The following ADARB2 variants were observed in gnomAD, a reference collection of about 807,000 sequenced individuals.
ADARB2 encodes adenosine deaminase RNA specific B2 (inactive), also known as inactive double-stranded RNA-specific editase B2.
A neutral mutation model predicts 62.2 loss-of-function variants in ADARB2; 25 were observed. That is an observed-to-expected ratio of 0.40 (90% CI 0.29 to 0.56). ADARB2 has a LOEUF of 0.56. Ranked by LOEUF, ADARB2 falls within the 20% of genes least tolerant of loss-of-function variation. ADARB2 has a pLI of 0.43. For missense variants in ADARB2, 1,071 were observed against 1,077.4 expected, an observed-to-expected ratio of 0.99 and a Z score of 0.08; for synonymous variants, 572 against 500.8, an observed-to-expected ratio of 1.14 and a Z score of -1.90.
At chr10:1,414,136 C>G (rs1446700691) in intron 1 of ADARB2, among the ~76,000 whole-genome samples, 1 of 152,264 alleles carries the variant, frequency 6.6e-6, no homozygotes, top group Non-Finnish European at 1.5e-5. Context: ...GTTATCCTCA[C>G]TGTCCTGGAA....
intron 7 of ADARB2, among the ~76,000 whole-genome samples, chr10:1,202,469 G>A (rs1564218656): frequency 1.3e-5 from 2 of 152,212 alleles, no homozygotes; most frequent in East Asian, 1.9e-4. Context: ...GTGAGTCACC[G>A]TGTCCGGCCA....
chr10:1,694,316 G>T (rs1834710632), intron 1 of ADARB2, among the ~76,000 whole-genome samples: 1 of 152,186 alleles, frequency 6.6e-6, no homozygotes, highest in Non-Finnish European at 1.5e-5. Context: ...TATATTAATT[G>T]GAGTAATGTG....
intron 3 of ADARB2, among the ~76,000 whole-genome samples, chr10:1,298,562 G>A (rs543017640): frequency 6.6e-6 from 1 of 152,230 alleles, no homozygotes; most frequent in East Asian, 1.9e-4. Context: ...ACAGGCAGTA[G>A]CCAAACTGAG....
At chr10:1,526,876 C>T (rs776792073) in intron 1 of ADARB2, 2 of 508,198 alleles carry the variant, frequency 3.9e-6, no homozygotes, top group South Asian at 2.9e-5. Context: ...CTGCTTGCCT[C>T]ATCAGCCTCA....
At chr10:1,549,231 T>C (rs1388775377) in intron 1 of ADARB2, among the ~76,000 whole-genome samples, 3 of 150,988 alleles carry the variant, frequency 2.0e-5, no homozygotes, top group African/African-American at 7.3e-5. Context: ...CCTCCTCTCA[T>C]TGAAAGGCGG....
chr10:1,294,786 C>A (rs1001515781), intron 3 of ADARB2, among the ~76,000 whole-genome samples: 2 of 152,202 alleles, frequency 1.3e-5, no homozygotes, highest in Non-Finnish European at 2.9e-5. Context: ...CCCTAATTAG[C>A]GCTACCCAAT....
intron 1 of ADARB2, among the ~76,000 whole-genome samples, chr10:1,524,703 C>T (rs1483523559): frequency 6.6e-6 from 1 of 152,010 alleles, no homozygotes; most frequent in Non-Finnish European, 1.5e-5. Context: ...CGGTGGCTGC[C>T]CGGGGGGAGG....
chr10:1,369,314 C>T (rs1832344037), intron 2 of ADARB2, among the ~76,000 whole-genome samples: 1 of 152,148 alleles, frequency 6.6e-6, no homozygotes, highest in African/African-American at 2.4e-5. Flanking sequence ...TGTTGACGCA[C>T]CTGCTTGGTG....
At chr10:1,724,518 C>T (rs769053133) in intron 1 of ADARB2, among the ~76,000 whole-genome samples, 3 of 152,160 alleles carry the variant, frequency 2.0e-5, no homozygotes, top group African/African-American at 4.8e-5. Context: ...CTCGGAGGCT[C>T]CTTGTGTGCG....
intron 2 of ADARB2, among the ~76,000 whole-genome samples, chr10:1,371,096 T>C (rs1832365993): frequency 6.6e-6 from 1 of 152,162 alleles, no homozygotes; most frequent in Non-Finnish European, 1.5e-5. Context: ...GGTACGAAGA[T>C]AGACACATAG....
chr10:1,525,512 A>T (rs1420818235), intron 1 of ADARB2, among the ~76,000 whole-genome samples: 1 of 151,960 alleles, frequency 6.6e-6, no homozygotes, highest in Non-Finnish European at 1.5e-5. Flanking sequence ...TTCTGTGGGT[A>T]TCTAGGGGGC....
chr10:1,253,234 ATTTG>A (rs1831051375), intron 4 of ADARB2, among the ~76,000 whole-genome samples: 2 of 152,204 alleles, frequency 1.3e-5, no homozygotes, highest in East Asian at 3.8e-4. Context: ...TTGTAATCAT[ATTTG>A]TTTTTCCATC....
At position 1,600,691 on chromosome 10, in the gene ADARB2, G is replaced by A. The variant is rs79065986; in HGVS notation, c.100+136360C>T. Among the ~76,000 whole-genome samples, 631 of 139,734 alleles carry A rather than the reference G, an allele frequency of 4.5e-3. 9 individuals are homozygous for A. The highest frequency in any genetic ancestry group is 4.8e-3 in the Non-Finnish European group (316 of 65,180). 91.7% of individuals were successfully genotyped at this position (139,734 alleles called of 152,430 possible). A position where few individuals can be genotyped will look rare whatever the true frequency, so the allele number is the denominator to read the frequency against. On this transcript the variant is annotated intron_variant, in intron 1 of 9. Transcript: ENST00000381312. ...AAAAAAAAAAAAAAAAAAAGATTCA[G>A]TGTTACCAGAAAGGACACTAATTTA... is the stretch of plus-strand genomic sequence containing the variant.
intron 1 of ADARB2, among the ~76,000 whole-genome samples, chr10:1,722,418 G>A (rs936121539): frequency 6.6e-6 from 1 of 152,176 alleles, no homozygotes; most frequent in Admixed American, 6.5e-5. Flanking sequence ...GTGACTTCTT[G>A]TTTATGCAGG....
chr10:1,199,945 C>G (rs750412642), intron 8 of ADARB2, 21 bp downstream of exon 8: 182 of 1,496,946 alleles, frequency 1.2e-4, no homozygotes, highest in Non-Finnish European at 1.5e-4. Flanking sequence ...GGTGGAGGGC[C>G]CCCGGGAAGG....
In ADARB2 at chr10:1,363,904, C is replaced by T; in HGVS notation, c.201G>A (p.Ala67=). The T allele has an allele frequency of 1.4e-6, 2 of 1,473,320 alleles. No individual in the cohort carries two copies. Among genetic ancestry groups the T allele is most frequent in the South Asian group, 1.4e-5 (1 of 71,654 alleles). 91.3% of individuals were successfully genotyped at this position (1,473,320 alleles called of 1,614,324 possible). A position where few individuals can be genotyped will look rare whatever the true frequency, so the allele number is the denominator to read the frequency against. ...EDDDTLSTSS[A]EVKENRNVGN... is the part of the protein sequence containing the mutation. ...CCACGTTGCGGTTCTCCTTCACCTC[C>T]GCGCTGCTGGTACCTGGAGGGGAGA... The change falls in exon 3 of 10, where the codon GCG becomes GCA. Residue 67 remains alanine (A), a synonymous_variant. Transcript: ENST00000381312.
At position 1,242,238 on chromosome 10, in the gene ADARB2, G is replaced by C; in HGVS notation, c.1254C>G (p.Gly418=). Residue 418 remains glycine (G), a synonymous_variant, in exon 5 of 10, where the codon GGC becomes GGG. Transcript: ENST00000381312. ...ALSSGTKCIS[G]EHLSDQGLVV... ...CCAGCCCCTGGTCACTGAGGTGCTC[G>C]CCGCTGATGCACTTGGTCCCCGAGG... The C allele has an allele frequency of 6.3e-7, 1 of 1,595,818 alleles. No homozygotes were observed. The highest frequency in any genetic ancestry group is 8.5e-7 in the Non-Finnish European group (1 of 1,172,700).
intron 2 of ADARB2, among the ~76,000 whole-genome samples, chr10:1,369,745 T>C (rs1338945160): frequency 6.6e-6 from 1 of 152,228 alleles, no homozygotes; most frequent in Admixed American, 6.5e-5. Flanking sequence ...AGGGTGGGCA[T>C]GGCCACGCCC....
At chr10:1,613,532 C>A (rs1833596432) in intron 1 of ADARB2, among the ~76,000 whole-genome samples, 1 of 152,066 alleles carries the variant, frequency 6.6e-6, no homozygotes, top group Non-Finnish European at 1.5e-5. Flanking sequence ...TGCAGCCACC[C>A]AAAACAAAAG....
Sources: gnomAD v4.1 joint callset for allele counts (sites outside exome capture counted in the v4.1 genomes callset) on GRCh38, gnomAD v4.1.1 for gene constraint, MANE v1.5 for transcripts, NCBI Gene and HGNC (gene_info 2026-07-23, HGNC 2026-07-21) for gene names.